The following ZNF536 variants were observed in gnomAD, a reference collection of about 807,000 sequenced individuals.
The protein encoded by ZNF536 is zinc finger protein 536.
ZNF536 carries 13 observed loss-of-function variants against 84.5 expected under a neutral mutation model. That is an observed-to-expected ratio of 0.15 (90% CI 0.10 to 0.24). The LOEUF (loss-of-function observed/expected upper bound fraction) is 0.24. Among genes scored for constraint, ZNF536 ranks in the 10% least tolerant of loss-of-function variants. ZNF536 has a pLI of 1.00. For synonymous variants in ZNF536, 811 were observed against 742.5 expected, an observed-to-expected ratio of 1.09 and a Z score of -1.50; for missense variants, 1,536 against 1,747.5, an observed-to-expected ratio of 0.88 and a Z score of 2.16.
rs570309577 is a variant in ZNF536 at position 30,685,912 on chromosome 19, G to A, written c.170-24845G>A. Among the ~76,000 whole-genome samples the A allele has an allele frequency of 1.6e-4, 25 of 152,300 alleles. No homozygotes were observed. The South Asian group carries it at 3.3e-3, about 20-fold the overall frequency. On this transcript the variant is annotated intron_variant, in intron 1 of 1. Coordinates refer to the ZNF536 transcript ENST00000592773. The stretch of plus-strand genomic sequence containing the variant: ...GAAGACAGGCTACATGAGCATTTGC[G>A]TGAGGCCATCTGTATCTCTGCAAAG...
intron 2 of ZNF536, among the ~76,000 whole-genome samples, chr19:30,310,184 A>C (rs1467164332): frequency 6.6e-6 from 1 of 152,236 alleles, no homozygotes; most frequent in Non-Finnish European, 1.5e-5. Context: ...GACTGTGTCA[A>C]ATGAAGGTAC....
chr19:30,627,284 A>G (rs1262762389), intron 1 of ZNF536, among the ~76,000 whole-genome samples: 26 of 151,978 alleles, frequency 1.7e-4, no homozygotes, highest in Admixed American at 1.7e-3. Context: ...TGGGGAATGT[A>G]GGGAGACCCC....
At chr19:30,615,653 G>T (rs183661947) in intron 1 of ZNF536, among the ~76,000 whole-genome samples, 1 of 151,620 alleles carries the variant, frequency 6.6e-6, no homozygotes, top group Admixed American at 6.6e-5. Flanking sequence ...AAAATGCTCC[G>T]TAGAATTTTT....
At position 30,502,291 on chromosome 19, in the gene ZNF536, A is replaced by G. The variant is rs117533620; in HGVS notation, c.2171-32556A>G. On this transcript the variant is annotated intron_variant, in intron 2 of 4. Coordinates refer to ENST00000355537, the MANE Select transcript of ZNF536 (RefSeq NM_014717.3). ...TAGCTTTTCTGGACTACATTGTAAC[A>G]TGCATCTGCAAACTCTGGAACAAGG... 2.2e-4 allele frequency among the ~76,000 whole-genome samples: 33 copies of G among 152,306 alleles called. No homozygotes were observed. In the East Asian group the frequency reaches 5.2e-3, roughly 24 times the overall value.
chr19:30,419,777 G>T (rs1053956804), intron 1 of ZNF536, among the ~76,000 whole-genome samples: 3 of 152,162 alleles, frequency 2.0e-5, no homozygotes, highest in Non-Finnish European at 4.4e-5. Context: ...GGAGGCTTTG[G>T]CGTGAGGCTT....
chr19:30,430,583 TC>T (rs2051412198), intron 1 of ZNF536, among the ~76,000 whole-genome samples: 1 of 152,140 alleles, frequency 6.6e-6, no homozygotes, highest in African/African-American at 2.4e-5. Flanking sequence ...ATTTAATTTC[TC>T]CCAAGATTAC....
intron 2 of ZNF536, among the ~76,000 whole-genome samples, chr19:30,467,410 C>T (rs1036968568): frequency 2.0e-5 from 3 of 152,194 alleles, no homozygotes; most frequent in Non-Finnish European, 4.4e-5. Flanking sequence ...AGCATGGCCT[C>T]CTCAAGATTC....
At chr19:30,411,092 T>TA (rs973417664) in intron 1 of ZNF536, among the ~76,000 whole-genome samples, 133 of 152,228 alleles carry the variant, frequency 8.7e-4, no homozygotes, top group African/African-American at 3.1e-3. Context: ...TTTCTCCAAT[T>TA]AAAAAAATGC....
intron 2 of ZNF536, among the ~76,000 whole-genome samples, chr19:30,316,226 T>C (rs183510456): frequency 1.1e-3 from 163 of 152,330 alleles, no homozygotes; most frequent in Non-Finnish European, 1.8e-3. Flanking sequence ...TTGTGTACAT[T>C]GTATACATGT....
chr19:30,685,164 A>G (rs1468458185), intron 1 of ZNF536, among the ~76,000 whole-genome samples: 2 of 152,202 alleles, frequency 1.3e-5, no homozygotes, highest in African/African-American at 4.8e-5. Flanking sequence ...GTAAAACACC[A>G]AAGGGGTTTG....
chr19:30,279,131 G>A lies in ZNF536; in HGVS notation c.-189-4941G>A, dbSNP rs182092555. On this transcript the variant is annotated intron_variant, in intron 1 of 5. Coordinates refer to the ZNF536 transcript ENST00000585628. ...AGGGCTCACTCCCTTACTTTATTCC[G>A]GTCCCTTGCCAGATGTTGCTTCCTT... 3.3e-5 allele frequency among the ~76,000 whole-genome samples: 5 copies of A among 152,242 alleles called. No homozygotes were observed. The East Asian group carries it at 5.8e-4, about 18-fold the overall frequency.
chr19:30,361,784 G>A (rs1169783356), intron 3 of ZNF536, among the ~76,000 whole-genome samples: 7 of 150,014 alleles, frequency 4.7e-5, no homozygotes, highest in Admixed American at 2.7e-4. Flanking sequence ...CTGCCCCTGC[G>A]GGCGGCCTGG....
chr19:30,658,308 A>G (rs1270397662), intron 1 of ZNF536, among the ~76,000 whole-genome samples: 1 of 152,044 alleles, frequency 6.6e-6, no homozygotes, highest in Non-Finnish European at 1.5e-5. Flanking sequence ...AGGTGTGAGC[A>G]ACCGTGCCTG....
intron 1 of ZNF536, among the ~76,000 whole-genome samples, chr19:30,599,098 T>C (rs1258100258): frequency 8.6e-6 from 1 of 115,870 alleles, no homozygotes; most frequent in Non-Finnish European, 1.8e-5. Flanking sequence ...CTCCTCTCTC[T>C]CTCCTTTCCT....
chr19:30,442,508 T>A (rs2052100155), intron 1 of ZNF536, among the ~76,000 whole-genome samples: 1 of 152,214 alleles, frequency 6.6e-6, no homozygotes, highest in African/African-American at 2.4e-5. Context: ...TTTAATGGGT[T>A]TTTATCTAGT....
chr19:30,349,956 T>C (rs1305651648), intron 2 of ZNF536, among the ~76,000 whole-genome samples: 1 of 152,074 alleles, frequency 6.6e-6, no homozygotes, highest in Non-Finnish European at 1.5e-5. Context: ...TGGGTATACT[T>C]TTGTTAACCT....
intron 2 of ZNF536, among the ~76,000 whole-genome samples, chr19:30,325,972 T>TCTC (rs1156342004): frequency 6.6e-6 from 1 of 152,198 alleles, no homozygotes; most frequent in Non-Finnish European, 1.5e-5. Context: ...ACATACCTTG[T>TCTC]CTCCTCTCTG....
chr19:30,546,342 C>T (rs78056641), intron 3 of ZNF536, among the ~76,000 whole-genome samples: 5,032 of 152,328 alleles, frequency 0.033, 136 homozygotes, highest in South Asian at 0.12. Flanking sequence ...GTGACCTTTA[C>T]GTTTAGAGAA....
intron 2 of ZNF536, among the ~76,000 whole-genome samples, chr19:30,326,457 G>A (rs141294113): frequency 5.9e-5 from 9 of 152,278 alleles, no homozygotes; most frequent in South Asian, 2.1e-4. Flanking sequence ...CTTTTTGTTC[G>A]TGGTAGGGAA....
Sources: gnomAD v4.1 joint callset for allele counts (sites outside exome capture counted in the v4.1 genomes callset) on GRCh38, gnomAD v4.1.1 for gene constraint, MANE v1.5 for transcripts, NCBI Gene and HGNC (gene_info 2026-07-23, HGNC 2026-07-21) for gene names.